PCDHA1: variants seen among roughly 807,000 people sequenced by gnomAD.
The protein encoded by PCDHA1 is protocadherin alpha 1.
A neutral mutation model predicts 61.3 loss-of-function variants in PCDHA1; 42 were observed. The ratio of observed to expected loss-of-function variants is 0.69; its 90% CI spans 0.54 to 0.89. PCDHA1 has a LOEUF of 0.89. Ranked by LOEUF, PCDHA1 falls within the 40% of genes least tolerant of loss-of-function variation. The pLI, the probability that PCDHA1 is intolerant of heterozygous loss-of-function variation, is 0.00. For synonymous variants in PCDHA1, 610 were observed against 553.8 expected (o/e 1.10, Z -1.43); for missense variants, 1,256 against 1,235.3 (o/e 1.02, Z -0.25).
chr5:140,899,005 G>A (rs1220603725), intron 1 of PCDHA1, among the ~76,000 whole-genome samples: 1 of 151,848 alleles, frequency 6.6e-6, no homozygotes, highest in Non-Finnish European at 1.5e-5. Context: ...TGTTATTGGT[G>A]TATAAGAATG....
intron 1 of PCDHA1, among the ~76,000 whole-genome samples, chr5:140,974,459 C>G (rs59098360): frequency 0.013 from 1,989 of 152,274 alleles, 54 homozygotes; most frequent in African/African-American, 0.046. Flanking sequence ...TGACTACATT[C>G]AGAGGAAAGT....
rs1246166621 is a variant in PCDHA1 at position 140,856,524 on chromosome 5, C to A, written c.2394+67840C>A. On this transcript the variant is annotated intron_variant, in intron 1 of 3. Coordinates refer to ENST00000504120, the MANE Select transcript of PCDHA1 (RefSeq NM_018900.4). ...TTTCCACTAGAAGGCGCATCTGATG[C>A]GGATGTTGGAGAGAACGCATTGCTT... The A allele has an allele frequency of 7.5e-6, 12 of 1,598,178 alleles. 1 individual carries two copies. The Middle Eastern group carries it at 1.2e-3, about 155-fold the overall frequency.
intron 1 of PCDHA1, chr5:140,803,971 A>G: frequency 3.2e-6 from 1 of 317,148 alleles, no homozygotes; most frequent in Non-Finnish European, 5.8e-6. Context: ...GCCACTTTTC[A>G]TTTGGACTTC....
chr5:140,835,865 G>T, intron 1 of PCDHA1: 1 of 1,612,146 alleles, frequency 6.2e-7, no homozygotes. Flanking sequence ...CCTACTCGCT[G>T]GTGGAGCTGC....
intron 1 of PCDHA1, chr5:140,968,319 TCAC>T: frequency 6.2e-7 from 1 of 1,613,996 alleles, no homozygotes; most frequent in East Asian, 2.2e-5. Flanking sequence ...GGGCTGCCAG[TCAC>T]CTCCTATGTC....
chr5:140,863,572 A>T (rs2048074367), intron 1 of PCDHA1: 1 of 368,290 alleles, frequency 2.7e-6, no homozygotes, highest in African/African-American at 2.1e-5. Flanking sequence ...GAATATAAGT[A>T]CTGTAATCCT....
intron 1 of PCDHA1, chr5:140,884,030 G>A: frequency 6.2e-7 from 1 of 1,613,438 alleles, no homozygotes; most frequent in Non-Finnish European, 8.5e-7. Flanking sequence ...GGTGGGTGCA[G>A]GCCACGTGGT....
chr5:140,907,139 T>C (rs2073191409), intron 1 of PCDHA1, among the ~76,000 whole-genome samples: 1 of 152,148 alleles, frequency 6.6e-6, no homozygotes, highest in African/African-American at 2.4e-5. Context: ...GAATTCCGGC[T>C]ATGGGAGAAA....
chr5:140,864,342 C>A (rs1374000781), intron 1 of PCDHA1: 2 of 152,062 alleles, frequency 1.3e-5, no homozygotes, highest in African/African-American at 4.8e-5. Context: ...GAGTTTAAAA[C>A]ATGTTTAAAT....
At position 140,786,230 on chromosome 5, in the gene PCDHA1, A is replaced by C. The variant is rs1288300112; in HGVS notation, c.-61A>C. On this transcript the variant is annotated 5_prime_UTR_variant, in exon 1 of 4. Coordinates refer to ENST00000504120, the MANE Select transcript of PCDHA1 (RefSeq NM_018900.4). ...AAAGAGATAAATGATTGGAAATATTAGATAAAATGGCATGATTTTGAAGTA... is the reference window on the plus strand; with the variant it reads ...AAAGAGATAAATGATTGGAAATATTCGATAAAATGGCATGATTTTGAAGTA... The C allele has an allele frequency of 6.6e-7, 1 of 1,508,766 alleles. No homozygotes were observed. The highest frequency in any genetic ancestry group is 1.4e-5 in the African/African-American group (1 of 71,506). 93.5% of individuals were successfully genotyped at this position (1,508,766 alleles called of 1,614,324 possible).
intron 1 of PCDHA1, chr5:140,863,626 A>G (rs2048099492): frequency 3.1e-6 from 1 of 320,146 alleles, no homozygotes; most frequent in African/African-American, 2.2e-5. Context: ...AGTGACATTG[A>G]TAATGTTCAC....
chr5:140,831,517 C>A (rs1771584524), intron 1 of PCDHA1, among the ~76,000 whole-genome samples: 3 of 130,048 alleles, frequency 2.3e-5, no homozygotes, highest in South Asian at 5.1e-4. Flanking sequence ...CCATGCCCCC[C>A]ACCTTTTTTT....
rs1443927992 is a variant in PCDHA1 at position 140,787,237 on chromosome 5, A to G, written c.947A>G (p.Tyr316Cys). The G allele has an allele frequency of 2.5e-6, 4 of 1,614,094 alleles. No homozygotes were observed. The highest frequency in any genetic ancestry group is 2.5e-6 in the Non-Finnish European group (3 of 1,180,038). The change falls in exon 1 of 4, where the codon TAC (tyrosine) becomes TGC (cysteine). Residue 316 changes from tyrosine (Y) to cysteine (C), a missense_variant. By Grantham distance (194) the Tyr-to-Cys change is radical (BLOSUM62 -2). Transcript: ENST00000504120. ...CTGGATTATGAAGAAACAAAATCCT[A>G]CGAAATTCAAGTAAAGGCAGTTGAT... is the stretch of plus-strand genomic sequence containing the variant. ...DKLDYEETKSYEIQVKAVDKG... is the reference protein window; with the variant it reads ...DKLDYEETKSCEIQVKAVDKG...
At chr5:140,817,974 C>T (rs1766249116) in intron 1 of PCDHA1, among the ~76,000 whole-genome samples, 2 of 152,138 alleles carry the variant, frequency 1.3e-5, no homozygotes, top group African/African-American at 4.8e-5. Flanking sequence ...TTTTTTCTGT[C>T]TAGCTACTTT....
intron 1 of PCDHA1, among the ~76,000 whole-genome samples, chr5:140,872,146 T>C (rs1554166047): frequency 6.6e-6 from 1 of 152,134 alleles, no homozygotes; most frequent in African/African-American, 2.4e-5. Context: ...ACTCCATTAG[T>C]ATGACATGAT....
chr5:140,871,877 G>A (rs1554165902), intron 1 of PCDHA1, among the ~76,000 whole-genome samples: 2 of 152,144 alleles, frequency 1.3e-5, no homozygotes, highest in African/African-American at 4.8e-5. Flanking sequence ...ATTTAAATTT[G>A]CTCCTCTTTG....
intron 1 of PCDHA1, among the ~76,000 whole-genome samples, chr5:140,937,780 C>T (rs1459266022): frequency 3.3e-5 from 5 of 151,656 alleles, no homozygotes; most frequent in African/African-American, 7.3e-5. Flanking sequence ...GGCGTGGTGG[C>T]GGGCGTATGT....
At chr5:140,927,970 G>C in intron 1 of PCDHA1, 2 of 1,614,216 alleles carry the variant, frequency 1.2e-6, no homozygotes, top group Non-Finnish European at 1.7e-6. Context: ...CACAGTGATT[G>C]CTCTCTTTAG....
chr5:140,912,395 T>C (rs782718158), intron 1 of PCDHA1, among the ~76,000 whole-genome samples: 10 of 152,138 alleles, frequency 6.6e-5, no homozygotes, highest in Non-Finnish European at 1.5e-4. Flanking sequence ...CTTAATTTGA[T>C]TCTCAGCTTG....
Sources: gnomAD v4.1 joint callset for allele counts (sites outside exome capture counted in the v4.1 genomes callset) on GRCh38, gnomAD v4.1.1 for gene constraint, MANE v1.5 for transcripts, NCBI Gene and HGNC (gene_info 2026-07-23, HGNC 2026-07-21) for gene names.